Variants in PROS1 observed in about 807,000 individuals in gnomAD.
PROS1 encodes the protein protein S, also known as vitamin K-dependent protein S.
PROS1 carries 29 observed loss-of-function variants against 75.9 expected under a neutral mutation model. The ratio of observed to expected loss-of-function variants is 0.38; its 90% CI spans 0.28 to 0.52. PROS1 has a LOEUF of 0.52. PROS1 is among the 20% of genes least tolerant of loss of function. The pLI is 0.83. For missense variants in PROS1, 680 were observed against 810.3 expected, an observed-to-expected ratio of 0.84 and a Z score of 1.95; for synonymous variants, 245 against 280.6, an observed-to-expected ratio of 0.87 and a Z score of 1.27.
intron 1 of PROS1, among the ~76,000 whole-genome samples, chr3:93,961,931 C>T (rs563314343): frequency 3.3e-5 from 5 of 152,108 alleles, no homozygotes; most frequent in Non-Finnish European, 5.9e-5. Flanking sequence ...GAATTTTTTA[C>T]GTCACCCCTA....
chr3:93,948,051 A>G (rs966319163), intron 1 of PROS1, among the ~76,000 whole-genome samples: 6 of 152,188 alleles, frequency 3.9e-5, no homozygotes, highest in Admixed American at 3.3e-4. Flanking sequence ...AAACAAAAGC[A>G]AAAGAACCCA....
At position 93,956,533 on chromosome 3, in the gene PROS1, TAC is replaced by T. The variant is rs758070649; in HGVS notation, c.76+17139_76+17140del. ...CTCTGTCTCTCTCTCTCTCTCTCTC[TAC>T]ACACACACACACACACACACACACA... On this transcript the variant is annotated intron_variant, in intron 1 of 14. Coordinates refer to ENST00000394236, the MANE Select transcript of PROS1 (RefSeq NM_000313.4). Among the ~76,000 whole-genome samples, 123 of 113,314 alleles carry T rather than the reference TAC, an allele frequency of 1.1e-3. No individual in the cohort carries two copies. In the South Asian group the frequency reaches 0.016, roughly 15 times the overall value. 74.3% of individuals were successfully genotyped at this position (113,314 alleles called of 152,430 possible).
intron 3 of PROS1, among the ~76,000 whole-genome samples, chr3:93,914,188 G>A (rs1020074058): frequency 3.9e-5 from 6 of 152,172 alleles, no homozygotes; most frequent in African/African-American, 1.2e-4. Flanking sequence ...TGGGCTCTCG[G>A]GGCTTCCCAA....
intron 9 of PROS1, among the ~76,000 whole-genome samples, chr3:93,895,358 C>T (rs1708488891): frequency 2.6e-5 from 4 of 152,066 alleles, no homozygotes; most frequent in Admixed American, 2.0e-4. Context: ...TTTCTCCAAT[C>T]TCTATCATTA....
intron 3 of PROS1, among the ~76,000 whole-genome samples, chr3:93,916,058 A>G (rs1708842898): frequency 6.6e-6 from 1 of 152,164 alleles, no homozygotes; most frequent in Non-Finnish European, 1.5e-5. Flanking sequence ...GAAGTCCAAT[A>G]TTAAGGTGCT....
chr3:93,927,130 G>A (rs1271591343), intron 2 of PROS1, 120 bp downstream of exon 2: 22 of 1,292,874 alleles, frequency 1.7e-5, no homozygotes, highest in Non-Finnish European at 2.2e-5. Flanking sequence ...GTTATGTGTG[G>A]AAGGTGATAC....
chr3:93,927,507 T>C (rs2107203254), intron 1 of PROS1, 100 bp from the exon 2 acceptor site: 1 of 1,292,076 alleles, frequency 7.7e-7, no homozygotes, highest in Non-Finnish European at 1.1e-6. Flanking sequence ...TGCCTATGAA[T>C]TGTATGACAT....
chr3:93,873,569 C>T lies in PROS1; in HGVS notation c.*676G>A, dbSNP rs2107118581. On this transcript the variant is annotated 3_prime_UTR_variant, in exon 15 of 15. Coordinates refer to ENST00000394236, the MANE Select transcript of PROS1 (RefSeq NM_000313.4). The stretch of plus-strand genomic sequence containing the variant: ...ACCCACTTCAGATTTCCCCACCTAT[C>T]CAACCTAATCTGATATCTCATCCTG... The T allele has an allele frequency of 6.6e-6, 1 of 152,298 alleles. No homozygotes were observed. Among genetic ancestry groups the T allele is most frequent in the Non-Finnish European group, 1.5e-5 (1 of 68,036 alleles). The allele number at this position is 152,298 out of a possible 1,614,324, so 9.4% of individuals were successfully genotyped here. A position where few individuals can be genotyped will look rare whatever the true frequency, so the allele number is the denominator to read the frequency against.
At chr3:93,889,513 T>G (rs1451290137) in intron 10 of PROS1, among the ~76,000 whole-genome samples, 1 of 152,224 alleles carries the variant, frequency 6.6e-6, no homozygotes, top group African/African-American at 2.4e-5. Context: ...GTACCTCTAA[T>G]GTAATGTATT....
intron 1 of PROS1, among the ~76,000 whole-genome samples, chr3:93,963,859 T>C (rs1454709286): frequency 1.3e-5 from 2 of 152,062 alleles, no homozygotes; most frequent in Non-Finnish European, 2.9e-5. Context: ...CCTCCTACAA[T>C]GGAGGTGCCT....
chr3:93,904,082 T>TG, intron 6 of PROS1, among the ~76,000 whole-genome samples: 1 of 151,270 alleles, frequency 6.6e-6, no homozygotes, highest in East Asian at 2.0e-4. Flanking sequence ...TTTTTGTTCT[T>TG]GCGATAGTTT....
At position 93,900,791 on chromosome 3, in the gene PROS1, A is replaced by G; in HGVS notation, c.727+13T>C. On this transcript the variant is annotated intron_variant, in intron 7 of 14. Transcript: ENST00000394236. Reference sequence around the variant, plus strand: ...CCTCTCCACCATCAGTAATGATACCACCATCATCCTACCTTCACAAGACTT... The same window carrying G: ...CCTCTCCACCATCAGTAATGATACCGCCATCATCCTACCTTCACAAGACTT... 6.2e-7 allele frequency: 1 copy of G among 1,612,172 alleles called. No homozygotes were observed.
chr3:93,919,181 G>C (rs1419915308), intron 3 of PROS1, among the ~76,000 whole-genome samples: 1 of 152,108 alleles, frequency 6.6e-6, no homozygotes, highest in East Asian at 1.9e-4. Flanking sequence ...CAATTTCTTT[G>C]GAATAGATAC....
At chr3:93,945,799 T>C (rs1709383934) in intron 1 of PROS1, among the ~76,000 whole-genome samples, 1 of 152,158 alleles carries the variant, frequency 6.6e-6, no homozygotes. Context: ...GTGTTGGAAG[T>C]TCTGGCCTGG....
At chr3:93,955,524 A>C (rs1405683879) in intron 1 of PROS1, among the ~76,000 whole-genome samples, 1 of 152,072 alleles carries the variant, frequency 6.6e-6, no homozygotes, top group East Asian at 1.9e-4. Flanking sequence ...GGAATTGAAC[A>C]ATGAGAACAG....
intron 1 of PROS1, among the ~76,000 whole-genome samples, chr3:93,928,441 C>T (rs375166109): frequency 3.4e-5 from 5 of 148,654 alleles, no homozygotes; most frequent in African/African-American, 1.2e-4. Flanking sequence ...AACTGAGACA[C>T]GAGAATCATT....
intron 1 of PROS1, among the ~76,000 whole-genome samples, chr3:93,934,735 T>A (rs1709155791): frequency 6.6e-6 from 1 of 151,226 alleles, no homozygotes; most frequent in East Asian, 1.9e-4. Flanking sequence ...GATAGGGGAG[T>A]GTAGGCTGGC....
Position 93,893,063 on chromosome 3 carries a change from T to C in PROS1, c.1025A>G (p.Glu342Gly). Reference sequence around the variant, plus strand: ...GAGCCACGCTGAGTGATCGATAGATTCTGCGTACAGTATCACGCCTTCTGA... The same window carrying C: ...GAGCCACGCTGAGTGATCGATAGATCCTGCGTACAGTATCACGCCTTCTGA... ...YDSEGVILYA[E>G]SIDHSAWLLI... is the part of the protein sequence containing the mutation. Residue 342 changes from glutamate (E) to glycine (G), a missense_variant, in exon 10 of 15, where the codon GAA (glutamate) becomes GGA (glycine). Transcript: ENST00000394236. The C allele has an allele frequency of 6.2e-7, 1 of 1,614,126 alleles. No individual in the cohort carries two copies. The highest frequency in any genetic ancestry group is 1.7e-5 in the Admixed American group (1 of 60,028).
At chr3:93,923,842 C>T (rs1708978604) in intron 3 of PROS1, among the ~76,000 whole-genome samples, 1 of 151,410 alleles carries the variant, frequency 6.6e-6, no homozygotes, top group African/African-American at 2.4e-5. Context: ...ACAGAAGTTG[C>T]AGTGAGCTGA....
Sources: gnomAD v4.1 joint callset for allele counts (sites outside exome capture counted in the v4.1 genomes callset) on GRCh38, gnomAD v4.1.1 for gene constraint, MANE v1.5 for transcripts, NCBI Gene and HGNC (gene_info 2026-07-23, HGNC 2026-07-21) for gene names.